CREB3L2: variants seen among roughly 807,000 people sequenced by gnomAD.
CREB3L2 encodes cAMP responsive element binding protein 3 like 2.
A neutral mutation model predicts 57.2 loss-of-function variants in CREB3L2; 23 were observed. The ratio of observed to expected loss-of-function variants is 0.40; its 90% CI spans 0.29 to 0.57. CREB3L2 has a LOEUF of 0.57. Ranked by LOEUF, CREB3L2 falls within the 20% of genes least tolerant of loss-of-function variation. The pLI, the probability that CREB3L2 is intolerant of heterozygous loss-of-function variation, is 0.42. For synonymous variants in CREB3L2, 268 were observed against 265.1 expected (o/e 1.01, Z -0.11); for missense variants, 628 against 634.7 (o/e 0.99, Z 0.11).
chr7:137,901,309 T>A (rs774257545), intron 8 of CREB3L2, 45 bp downstream of exon 8: 7 of 1,186,474 alleles, frequency 5.9e-6, no homozygotes, highest in Non-Finnish European at 7.5e-6. Flanking sequence ...TCCTTCCCCA[T>A]CTTCCATTGG....
chr7:137,924,325 G>A (rs774595535), intron 2 of CREB3L2, among the ~76,000 whole-genome samples: 1 of 152,154 alleles, frequency 6.6e-6, no homozygotes, highest in African/African-American at 2.4e-5. Flanking sequence ...CTCTGTTCTT[G>A]TATCATCTTA....
rs1043870539 is a variant in CREB3L2 at position 137,882,457 on chromosome 7, T to C, written c.1442A>G (p.Glu481Gly). ...AAGCACTGACTTCTCCAGGCTGGTC[T>C]CATTCGAGATAATGAAATGGGGAAG... ...VDLPHFIISN[E>G]TSLEKSVLLE... The change falls in exon 11 of 12, where the codon GAG (glutamate) becomes GGG (glycine). Residue 481 changes from glutamate (E) to glycine (G), a missense_variant. Glu to Gly is a moderately conservative substitution (Grantham distance 98). This residue lies in a region of CREB3L2 where 272 missense variants were observed against 242.7 expected (regional missense o/e 1.12). Coordinates refer to ENST00000330387, the MANE Select transcript of CREB3L2 (RefSeq NM_194071.4). 3 of 1,613,912 alleles carry C rather than the reference T, an allele frequency of 1.9e-6. No homozygotes were observed. Among genetic ancestry groups the C allele is most frequent in the Admixed American group, 3.3e-5 (2 of 59,990 alleles).
At position 137,879,189 on chromosome 7, in the gene CREB3L2, A is replaced by G. The variant is rs1000771291; in HGVS notation, c.*1287T>C. 1.9e-5 allele frequency: 10 copies of G among 520,774 alleles called. No homozygotes were observed. The East Asian group carries it at 2.4e-4, about 12-fold the overall frequency. The allele number at this position is 520,774 out of a possible 1,614,324, so 32.3% of individuals were successfully genotyped here. A position where few individuals can be genotyped will look rare whatever the true frequency, so the allele number is the denominator to read the frequency against. ...ACCATAAAAAAAAAACAAAAAAACT[A>G]AAAGTAGGTTGGGGATTAGGTTGTA... On this transcript the variant is annotated 3_prime_UTR_variant, in exon 12 of 12. Coordinates refer to ENST00000330387, the MANE Select transcript of CREB3L2 (RefSeq NM_194071.4).
chr7:137,891,652 T>C (rs897962176), intron 8 of CREB3L2, among the ~76,000 whole-genome samples: 23 of 152,136 alleles, frequency 1.5e-4, no homozygotes, highest in African/African-American at 5.6e-4. Context: ...CCAGGCTCAC[T>C]GCAACCTCCG....
chr7:137,908,295 G>C lies in CREB3L2; in HGVS notation c.725C>G (p.Ala242Gly), dbSNP rs761134200. The C allele has an allele frequency of 7.9e-7, 1 of 1,258,238 alleles. No homozygotes were observed. The highest frequency in any genetic ancestry group is 3.8e-5 in the South Asian group (1 of 26,250). The allele number at this position is 1,258,238 out of a possible 1,614,324, so 77.9% of individuals were successfully genotyped here. A position where few individuals can be genotyped will look rare whatever the true frequency, so the allele number is the denominator to read the frequency against. Residue 242 changes from alanine (A) to glycine (G), a missense_variant, in exon 5 of 12, where the codon GCC becomes GGC. Physicochemically the swap from Ala to Gly is moderately conservative, Grantham distance 60. Coordinates refer to ENST00000330387, the MANE Select transcript of CREB3L2 (RefSeq NM_194071.4). Reference protein sequence around the residue: ...THSPSRAAPRAPSALSSSPLL... With the variant: ...THSPSRAAPRGPSALSSSPLL... ...AGGGGAGCTGGAGAGGGCGGAGGGG[G>C]CCCGGGGTGCAGCTCTGGAGGGGCT...
At chr7:137,891,155 T>G (rs1175014823) in intron 8 of CREB3L2, among the ~76,000 whole-genome samples, 1 of 152,222 alleles carries the variant, frequency 6.6e-6, no homozygotes, top group South Asian at 2.1e-4. Flanking sequence ...TGTGGTGAGA[T>G]GTAAAAATAA....
intron 7 of CREB3L2, among the ~76,000 whole-genome samples, chr7:137,902,805 T>A (rs1473683755): frequency 1.3e-5 from 2 of 152,076 alleles, no homozygotes; most frequent in Non-Finnish European, 2.9e-5. Flanking sequence ...TTTTTTTTAT[T>A]GAGTTGTTTG....
chr7:137,985,215 T>C (rs1462103121), intron 1 of CREB3L2, among the ~76,000 whole-genome samples: 1 of 152,128 alleles, frequency 6.6e-6, no homozygotes, highest in Non-Finnish European at 1.5e-5. Flanking sequence ...TTTGATAAAA[T>C]GCTAGTTGGT....
chr7:137,956,724 AT>A, intron 1 of CREB3L2: 1 of 1,038,656 alleles, frequency 9.6e-7, no homozygotes, highest in Non-Finnish European at 1.3e-6. Context: ...CAGGTTCTGA[AT>A]TCTTTGAGTT....
intron 1 of CREB3L2, among the ~76,000 whole-genome samples, chr7:137,970,623 G>C (rs1455458752): frequency 6.6e-6 from 1 of 152,176 alleles, no homozygotes; most frequent in Non-Finnish European, 1.5e-5. Context: ...GATCCAGGTG[G>C]GAAACCTAAT....
intron 1 of CREB3L2, chr7:137,955,415 C>G: frequency 2.8e-6 from 2 of 719,056 alleles, no homozygotes; most frequent in South Asian, 2.9e-5. Flanking sequence ...CACTCCTCTC[C>G]CCTTAATCCC....
At chr7:137,968,792 C>G (rs1801452286) in intron 1 of CREB3L2, among the ~76,000 whole-genome samples, 1 of 152,186 alleles carries the variant, frequency 6.6e-6, no homozygotes, top group African/African-American at 2.4e-5. Context: ...TATCCCAACT[C>G]ATAAATGAAT....
intron 1 of CREB3L2, among the ~76,000 whole-genome samples, chr7:137,938,590 C>T (rs1399550427): frequency 6.6e-6 from 1 of 152,066 alleles, no homozygotes; most frequent in Non-Finnish European, 1.5e-5. Flanking sequence ...GTGATCCACC[C>T]GCCTCGGCTT....
chr7:137,963,777 G>A (rs931615656), intron 1 of CREB3L2, among the ~76,000 whole-genome samples: 6 of 152,038 alleles, frequency 3.9e-5, no homozygotes, highest in Non-Finnish European at 8.8e-5. Flanking sequence ...ATTATGTCAA[G>A]CCAAACTTGA....
At position 137,976,690 on chromosome 7, in the gene CREB3L2, T is replaced by C. The variant is rs569603969; in HGVS notation, c.102+24914A>G. ...ATAAACACAAATCCAATCTGGAGAC[T>C]ATTTTAAAAAATCTTATGCCCCACC... On this transcript the variant is annotated intron_variant, in intron 1 of 11. Coordinates refer to ENST00000330387, the MANE Select transcript of CREB3L2 (RefSeq NM_194071.4). 9.2e-5 allele frequency among the ~76,000 whole-genome samples: 14 copies of C among 152,364 alleles called. No homozygotes were observed. The South Asian group carries it at 2.9e-3, about 32-fold the overall frequency.
chr7:137,901,243 T>C lies in CREB3L2; in HGVS notation c.1043+111A>G, dbSNP rs1585606030. 3 of 733,462 alleles carry C rather than the reference T, an allele frequency of 4.1e-6. No individual in the cohort carries two copies. In the East Asian group the frequency reaches 7.6e-5, roughly 19 times the overall value. 45.4% of individuals were successfully genotyped at this position (733,462 alleles called of 1,614,324 possible). On this transcript the variant is annotated intron_variant, in intron 8 of 11. Transcript: ENST00000330387. ...GCTGAGCATCTCAGCACAACTGCAC[T>C]TTCACTGTGACCTCCTCCACTTTTC...
At chr7:137,885,346 G>C in intron 9 of CREB3L2, 57 bp downstream of exon 9, 6 of 1,435,134 alleles carry the variant, frequency 4.2e-6, no homozygotes, top group Non-Finnish European at 4.9e-6. Flanking sequence ...TGGAGGGAGA[G>C]GGGAGACAGG....
intron 1 of CREB3L2, among the ~76,000 whole-genome samples, chr7:137,996,565 G>A (rs1207477750): frequency 6.6e-6 from 1 of 152,212 alleles, no homozygotes; most frequent in Non-Finnish European, 1.5e-5. Flanking sequence ...CAAACCAAAA[G>A]CTTCAATATC....
intron 1 of CREB3L2, among the ~76,000 whole-genome samples, chr7:137,953,790 T>C (rs2117275090): frequency 6.6e-6 from 1 of 152,310 alleles, no homozygotes; most frequent in East Asian, 1.9e-4. Flanking sequence ...TGTAAACAGC[T>C]GGCAGCTAGA....
Sources: gnomAD v4.1 joint callset for allele counts (sites outside exome capture counted in the v4.1 genomes callset) on GRCh38, gnomAD v4.1.1 for gene constraint, gnomAD v4.1.1 regional missense constraint, MANE v1.5 for transcripts, NCBI Gene and HGNC (gene_info 2026-07-23, HGNC 2026-07-21) for gene names.